RP1: variants seen among roughly 807,000 people sequenced by gnomAD.
The protein encoded by RP1 is oxygen-regulated protein 1.
RP1 carries 16 observed loss-of-function variants against 14.8 expected under a neutral mutation model. The ratio of observed to expected loss-of-function variants is 1.08; its 90% CI spans 0.73 to 1.65. The LOEUF (loss-of-function observed/expected upper bound fraction) is 1.65. RP1 is among the 40% of genes most tolerant of loss of function. The pLI is 0.00. For synonymous variants in RP1, 876 were observed against 883.6 expected (o/e 0.99, Z 0.15); for missense variants, 2,631 against 2,535.0 (o/e 1.04, Z -0.81).
intron 12 of RP1, among the ~76,000 whole-genome samples, chr8:54,686,052 A>T (rs2129337487): frequency 6.6e-6 from 1 of 152,246 alleles, no homozygotes; most frequent in Non-Finnish European, 1.5e-5. Flanking sequence ...AAAACTTTTT[A>T]CCCTTCAGTG....
chr8:54,845,396 A>T (rs983245232), intron 25 of RP1, among the ~76,000 whole-genome samples: 1 of 152,130 alleles, frequency 6.6e-6, no homozygotes, highest in Admixed American at 6.5e-5. Context: ...GCAGATATTT[A>T]TGTATGCTAG....
chr8:54,661,233 AT>A (rs1271742983), intron 6 of RP1, among the ~76,000 whole-genome samples: 12 of 145,460 alleles, frequency 8.2e-5, no homozygotes, highest in Non-Finnish European at 1.8e-4. Flanking sequence ...AATGATATAT[AT>A]AATATATACA....
intron 18 of RP1, among the ~76,000 whole-genome samples, chr8:54,734,903 G>T (rs1425557768): frequency 6.6e-6 from 1 of 152,020 alleles, no homozygotes; most frequent in Admixed American, 6.6e-5. Flanking sequence ...AACAATCAAA[G>T]GAAATATTTT....
At chr8:54,804,664 G>C (rs1810802870) in intron 24 of RP1, among the ~76,000 whole-genome samples, 1 of 152,092 alleles carries the variant, frequency 6.6e-6, no homozygotes, top group African/African-American at 2.4e-5. Context: ...TGGGATAAAA[G>C]ATACTTCGTA....
At chr8:54,714,346 G>T (rs567987528) in intron 15 of RP1, among the ~76,000 whole-genome samples, 1 of 152,236 alleles carries the variant, frequency 6.6e-6, no homozygotes, top group South Asian at 2.1e-4. Context: ...AAAAATTATG[G>T]CTCAGGAGTC....
chr8:54,587,946 AG>A (rs1472073585), intron 1 of RP1, among the ~76,000 whole-genome samples: 1 of 152,206 alleles, frequency 6.6e-6, no homozygotes, highest in African/African-American at 2.4e-5. Flanking sequence ...TACATTATTA[AG>A]TTTAGACCAT....
chr8:54,628,514 T>A lies in RP1; in HGVS notation c.4632T>A (p.Ser1544=). The A allele has an allele frequency of 6.2e-7, 1 of 1,613,976 alleles. No individual in the cohort carries two copies. The highest frequency in any genetic ancestry group is 8.5e-7 in the Non-Finnish European group (1 of 1,179,940). ...CATCTTTAGATTTTTGCTATGATTC[T>A]AAGCAAAATAGTGAAAAGGAGACCA... ...TPPSLDFCYD[S]KQNSEKETNE... is the part of the protein sequence containing the mutation. Residue 1544 remains serine (S), a synonymous_variant, in exon 4 of 4, where the codon TCT becomes TCA. Transcript: ENST00000220676.
chr8:54,829,116 C>T (rs192560080), intron 24 of RP1, among the ~76,000 whole-genome samples: 222 of 152,150 alleles, frequency 1.5e-3, no homozygotes, highest in African/African-American at 5.3e-3. Context: ...TGATCTCAAA[C>T]TCCTGTCAGG....
intron 6 of RP1, among the ~76,000 whole-genome samples, chr8:54,661,179 A>T (rs544218005): frequency 4.1e-5 from 6 of 147,520 alleles, no homozygotes; most frequent in African/African-American, 1.2e-4. Context: ...AATATGTAAT[A>T]TAATATAATG....
chr8:54,674,732 G>GA (rs146945978), intron 8 of RP1, among the ~76,000 whole-genome samples: 1 of 151,132 alleles, frequency 6.6e-6, no homozygotes. Context: ...TATAATCCAT[G>GA]AAAAAAAAAT....
At chr8:54,806,848 A>G (rs1810864309) in intron 24 of RP1, among the ~76,000 whole-genome samples, 1 of 152,196 alleles carries the variant, frequency 6.6e-6, no homozygotes, top group South Asian at 2.1e-4. Context: ...CTTCACCCTG[A>G]GATAATACCA....
intron 1 of RP1, among the ~76,000 whole-genome samples, chr8:54,605,343 G>C (rs1305928675): frequency 6.6e-6 from 1 of 152,186 alleles, no homozygotes; most frequent in Non-Finnish European, 1.5e-5. Context: ...ATGTAGTTGA[G>C]CGGTTTTGAG....
chr8:54,586,132 C>G (rs1457848252), intron 1 of RP1, among the ~76,000 whole-genome samples: 2 of 152,178 alleles, frequency 1.3e-5, no homozygotes, highest in African/African-American at 4.8e-5. Flanking sequence ...GTGGTTTTAT[C>G]TACCTTGGGT....
In RP1 at chr8:54,624,802, C is replaced by T. The variant is rs746343727; in HGVS notation, c.920C>T (p.Ser307Phe). The stretch of plus-strand genomic sequence containing the variant: ...TACTTGGCCTTAGAAAAGAATGATT[C>T]TCAGAATTTACCAATATATCCTTCT... ...EKYLALEKND[S>F]QNLPIYPSED... The change falls in exon 4 of 4, where the codon TCT becomes TTT. Residue 307 changes from serine (S) to phenylalanine (F), a missense_variant. By Grantham distance (155) the Ser-to-Phe change is radical (BLOSUM62 -2). Transcript: ENST00000220676. 1.2e-6 allele frequency: 2 copies of T among 1,613,918 alleles called. No individual in the cohort carries two copies. The highest frequency in any genetic ancestry group is 3.3e-5 in the Admixed American group (2 of 60,010).
rs563679460 is a variant in RP1, at chr8:54,742,351, T to C, written c.2808+3322T>C. ...ATGTTTCTTTCTTTTTAAGTGTTTC[T>C]TAATTTTATCTGTGATTTTTATTAT... On this transcript the variant is annotated intron_variant, in intron 19 of 22. Transcript: ENST00000636932. 3.2e-4 allele frequency among the ~76,000 whole-genome samples: 48 copies of C among 152,362 alleles called. 1 individual carries two copies. The highest frequency in any genetic ancestry group is 2.3e-3 in the South Asian group (11 of 4,832).
At chr8:54,755,765 G>A in exon 21 of RP1, 2 of 1,519,074 alleles carry the variant, frequency 1.3e-6, no homozygotes, top group South Asian at 1.2e-5. Context: ...ATTTCAAAGA[G>A]GACAGGTGAG....
At chr8:54,580,167 C>T (rs1245074768) in intron 1 of RP1, among the ~76,000 whole-genome samples, 1 of 150,044 alleles carries the variant, frequency 6.7e-6, no homozygotes, top group African/African-American at 2.5e-5. Context: ...AACTGCTGTG[C>T]AGGTCAGAGT....
intron 12 of RP1, among the ~76,000 whole-genome samples, chr8:54,698,688 C>T (rs572150028): frequency 6.6e-6 from 1 of 152,280 alleles, no homozygotes; most frequent in East Asian, 1.9e-4. Context: ...CACATATACA[C>T]CATGGAATAC....
intron 28 of RP1, chr8:54,869,729 A>T: frequency 1.5e-5 from 6 of 406,186 alleles, no homozygotes; most frequent in Non-Finnish European, 2.1e-5. Context: ...TAAAATTCTG[A>T]TCTCTCTAAA....
Sources: gnomAD v4.1 joint callset for allele counts (sites outside exome capture counted in the v4.1 genomes callset) on GRCh38, gnomAD v4.1.1 for gene constraint, MANE v1.5 for transcripts, NCBI Gene and HGNC (gene_info 2026-07-23, HGNC 2026-07-21) for gene names.